SP140: variants seen among roughly 807,000 people sequenced by gnomAD.
The protein encoded by SP140 is nuclear body protein SP140.
In SP140, 81 loss-of-function variants were observed where a neutral mutation model predicts 125.0. The observed-to-expected ratio is 0.65, with a 90% CI of 0.54 to 0.78. The LOEUF (loss-of-function observed/expected upper bound fraction) is 0.78, where lower values mean the gene tolerates loss of function less well. Among genes scored for constraint, SP140 ranks in the 30% least tolerant of loss-of-function variants. SP140 has a pLI of 0.00. For missense variants in SP140, 858 were observed against 1,037.0 expected (o/e 0.83, Z 2.37); for synonymous variants, 312 against 354.0 (o/e 0.88, Z 1.33).
At chr2:230,270,509 G>A (rs2053775718) in intron 14 of SP140, 77 bp from the exon 15 acceptor site, 4 of 1,363,386 alleles carry the variant, frequency 2.9e-6, no homozygotes, top group Non-Finnish European at 4.1e-6. Flanking sequence ...CAAGCCTTCT[G>A]TAGTATACAT....
chr2:230,287,616 T>C (rs746490168), intron 17 of SP140, among the ~76,000 whole-genome samples: 1 of 152,226 alleles, frequency 6.6e-6, no homozygotes, highest in East Asian at 1.9e-4. Context: ...CTTCAAAATA[T>C]GGAATGAAGC....
At chr2:230,238,816 G>C (rs1460429526) in intron 3 of SP140, 1 of 1,555,370 alleles carries the variant, frequency 6.4e-7, no homozygotes, top group Admixed American at 2.0e-5. Context: ...ACAAAGACTG[G>C]AGAAGTCACG....
At chr2:230,218,978 A>C (rs1273639550) in intron 3 of SP140, among the ~76,000 whole-genome samples, 3 of 152,354 alleles carry the variant, frequency 2.0e-5, no homozygotes, top group Admixed American at 1.3e-4. Flanking sequence ...TAATCCCAGC[A>C]CTTTGGGAGG....
intron 4 of SP140, 120 bp downstream of exon 4, chr2:230,241,607 C>T (rs1298519830): frequency 3.0e-6 from 2 of 663,406 alleles, no homozygotes; most frequent in Non-Finnish European, 5.5e-6. Flanking sequence ...TCCTCCTCCC[C>T]TCACACAGCC....
At position 230,287,835 on chromosome 2, in the gene SP140, A is replaced by G. The variant is rs138117370; in HGVS notation, c.1646-57A>G. ...TAAATGGAATTTTTGAAAAGCTGTA[A>G]TATGTGTAATACAGCTGCTCATAAA... On this transcript the variant is annotated intron_variant, in intron 17 of 26. Coordinates refer to ENST00000392045, the MANE Select transcript of SP140 (RefSeq NM_007237.5). The G allele has an allele frequency of 6.9e-5, 98 of 1,411,082 alleles. No individual in the cohort carries two copies. The African/African-American group carries it at 1.4e-3, about 20-fold the overall frequency. 87.4% of individuals were successfully genotyped at this position (1,411,082 alleles called of 1,614,324 possible). A position where few individuals can be genotyped will look rare whatever the true frequency, so the allele number is the denominator to read the frequency against.
chr2:230,254,347 TAG>T (rs772032927), intron 11 of SP140, among the ~76,000 whole-genome samples: 18 of 152,250 alleles, frequency 1.2e-4, no homozygotes, highest in Non-Finnish European at 2.4e-4. Context: ...TCCTTCTAGG[TAG>T]AGAGTGACAC....
At chr2:230,305,789 G>A (rs62192161) in intron 22 of SP140, among the ~76,000 whole-genome samples, 13,942 of 152,282 alleles carry the variant, frequency 0.092, 829 homozygotes, top group East Asian at 0.12. Flanking sequence ...TGCCCACAGC[G>A]CCAGGTTCCC....
Position 230,211,678 on chromosome 2 carries a change from A to G in SP140, c.-322-1976A>G. ...GGGTAACAGCAACCAAGGCCTGGGA[A>G]AGGATGGCATAGAGTGGGAAAGTAA... On this transcript the variant is annotated intron_variant, in intron 1 of 4. Transcript: ENST00000456542. This position sits in a 1 kb window ranked among gnomAD's most constrained non-coding sequence, Gnocchi z 4.2. 1.4e-6 allele frequency: 1 copy of G among 713,948 alleles called. No individual in the cohort carries two copies. Among genetic ancestry groups the G allele is most frequent in the East Asian group, 2.6e-5 (1 of 38,284 alleles). 44.2% of individuals were successfully genotyped at this position (713,948 alleles called of 1,614,324 possible). A position where few individuals can be genotyped will look rare whatever the true frequency, so the allele number is the denominator to read the frequency against.
intron 1 of SP140, among the ~76,000 whole-genome samples, chr2:230,234,704 T>C (rs2047723158): frequency 6.6e-6 from 1 of 152,208 alleles, no homozygotes; most frequent in Non-Finnish European, 1.5e-5. Context: ...CTCCTTTATC[T>C]TATAAAAATT....
At chr2:230,229,682 T>G (rs2046976270) in intron 1 of SP140, among the ~76,000 whole-genome samples, 1 of 151,992 alleles carries the variant, frequency 6.6e-6, no homozygotes, top group Non-Finnish European at 1.5e-5. Flanking sequence ...TTAGCCAGGA[T>G]GGTCAAGAAA....
chr2:230,230,106 G>A (rs533990145), intron 1 of SP140, among the ~76,000 whole-genome samples: 2 of 152,192 alleles, frequency 1.3e-5, no homozygotes, highest in East Asian at 3.9e-4. Flanking sequence ...TTTAATAATC[G>A]CAGGGCCAGC....
intron 4 of SP140, among the ~76,000 whole-genome samples, chr2:230,242,571 A>G (rs181156835): frequency 5.3e-4 from 81 of 152,244 alleles, no homozygotes; most frequent in African/African-American, 1.9e-3. Flanking sequence ...TCTACACTTG[A>G]TTTTTTTCAA....
the SP140 span, among the ~76,000 whole-genome samples, chr2:230,194,799 G>A: frequency 1.3e-5 from 2 of 152,206 alleles, no homozygotes; most frequent in Non-Finnish European, 2.9e-5. Flanking sequence ...ATTGTCTGAT[G>A]CCTCATGTCC....
chr2:230,300,289 C>T (rs2058167293), intron 22 of SP140, among the ~76,000 whole-genome samples: 1 of 152,186 alleles, frequency 6.6e-6, no homozygotes, highest in Non-Finnish European at 1.5e-5. Flanking sequence ...TCCTGGCTAA[C>T]CAAAGATCCT....
chr2:230,310,406 G>A, intron 23 of SP140: 1 of 509,628 alleles, frequency 2.0e-6, no homozygotes, highest in Non-Finnish European at 3.5e-6. Flanking sequence ...TGGGCTGTTG[G>A]AGGCCCGAGG....
At chr2:230,254,302 G>A (rs907707669) in intron 11 of SP140, among the ~76,000 whole-genome samples, 3 of 152,170 alleles carry the variant, frequency 2.0e-5, no homozygotes, top group African/African-American at 7.2e-5. Flanking sequence ...TCCAGCAAAC[G>A]GCACCTCTAT....
intron 18 of SP140, 92 bp from the exon 19 acceptor site, chr2:230,290,368 G>C (rs1575243148): frequency 8.8e-7 from 1 of 1,138,020 alleles, no homozygotes; most frequent in East Asian, 2.4e-5. Context: ...AATTTCCTAA[G>C]TATCCCTCGT....
At chr2:230,296,255 G>T (rs1003313075) in intron 21 of SP140, among the ~76,000 whole-genome samples, 3 of 152,094 alleles carry the variant, frequency 2.0e-5, no homozygotes, top group Non-Finnish European at 4.4e-5. Context: ...AATAAAAAAA[G>T]TTTTAAATTT....
At position 230,290,460 on chromosome 2, in the gene SP140, C is replaced by T; in HGVS notation, c.1721C>T (p.Ala574Val). 1 of 1,613,700 alleles carries T rather than the reference C, an allele frequency of 6.2e-7. No homozygotes were observed. The highest frequency in any genetic ancestry group is 1.3e-5 in the African/African-American group (1 of 75,026). Residue 574 changes from alanine (A) to valine (V), a missense_variant and splice_region_variant, in exon 19 of 27, where the codon GCT becomes GTT. By Grantham distance (64) the Ala-to-Val change is moderately conservative. Coordinates refer to ENST00000392045, the MANE Select transcript of SP140 (RefSeq NM_007237.5). ...RAAQKRVRSR[A>V]SRKHKDETVD... is the part of the protein sequence containing the mutation. ...AGAATGAAGAAATCCTCTCTTTCAG[C>T]TTCAAGAAAGCACAAAGATGAAACT... is the stretch of plus-strand genomic sequence containing the variant.
Sources: allele counts gnomAD v4.1 joint callset (sites outside exome capture counted in the v4.1 genomes callset), GRCh38; gene constraint gnomAD v4.1.1; non-coding constraint Gnocchi (gnomAD v3.1); transcripts MANE v1.5; gene names NCBI Gene and HGNC (gene_info 2026-07-23, HGNC 2026-07-21).